NCOA1: variants seen among roughly 807,000 people sequenced by gnomAD.
NCOA1 encodes Hin-2 protein.
Under a neutral mutation model 150.9 loss-of-function variants are expected in NCOA1, and 35 were observed. The ratio of observed to expected loss-of-function variants is 0.23; its 90% CI spans 0.18 to 0.31. NCOA1 has a LOEUF of 0.31. Among genes scored for constraint, NCOA1 ranks in the 10% least tolerant of loss-of-function variants. The pLI, the probability that NCOA1 is intolerant of heterozygous loss-of-function variation, is 1.00. For missense variants in NCOA1, 1,491 were observed against 1,749.3 expected (o/e 0.85, Z 2.63); for synonymous variants, 590 against 630.0 (o/e 0.94, Z 0.95).
intron 3 of NCOA1, among the ~76,000 whole-genome samples, chr2:24,638,332 A>G (rs557249922): frequency 6.6e-6 from 1 of 152,050 alleles, no homozygotes; most frequent in Admixed American, 6.6e-5. Context: ...TTATGGCTGA[A>G]TAGTACTCTG....
At chr2:24,753,008 G>A (rs1664325708) in intron 20 of NCOA1, among the ~76,000 whole-genome samples, 1 of 152,068 alleles carries the variant, frequency 6.6e-6, no homozygotes, top group African/African-American at 2.4e-5. Context: ...AACATAATAA[G>A]TAAGGCAGTT....
At chr2:24,554,231 T>A (rs1342247222) in intron 1 of NCOA1, among the ~76,000 whole-genome samples, 2 of 152,222 alleles carry the variant, frequency 1.3e-5, no homozygotes, top group African/African-American at 4.8e-5. Flanking sequence ...CTCCTTTTTC[T>A]ACCTCCTTAA....
intron 6 of NCOA1, among the ~76,000 whole-genome samples, chr2:24,672,406 T>G: frequency 6.6e-6 from 1 of 152,230 alleles, no homozygotes; most frequent in East Asian, 1.9e-4. Flanking sequence ...TCCTTCTTCT[T>G]GTTTTTGAGA....
intron 5 of NCOA1, among the ~76,000 whole-genome samples, chr2:24,661,474 T>A (rs570399435): frequency 1.2e-3 from 183 of 152,322 alleles, no homozygotes; most frequent in African/African-American, 4.0e-3. Flanking sequence ...ACATTATTTA[T>A]GATGTCTCTT....
chr2:24,515,190 C>A (rs1664113675), intron 1 of NCOA1, among the ~76,000 whole-genome samples: 1 of 152,008 alleles, frequency 6.6e-6, no homozygotes, highest in Non-Finnish European at 1.5e-5. Flanking sequence ...TTAGGAACAA[C>A]TTATTTTGGG....
At chr2:24,647,321 C>T (rs1478027227) in intron 4 of NCOA1, among the ~76,000 whole-genome samples, 7 of 152,128 alleles carry the variant, frequency 4.6e-5, no homozygotes, top group Admixed American at 2.0e-4. Flanking sequence ...TACCTAAGAC[C>T]GATTTCTTCC....
intron 20 of NCOA1, among the ~76,000 whole-genome samples, chr2:24,754,410 G>A (rs1181909149): frequency 6.6e-6 from 1 of 152,040 alleles, no homozygotes; most frequent in African/African-American, 2.4e-5. Flanking sequence ...TGCCACAATG[G>A]CTTCCTTTTA....
intron 2 of NCOA1, among the ~76,000 whole-genome samples, chr2:24,571,059 C>CAAAG (rs1024728644): frequency 4.6e-5 from 7 of 152,246 alleles, no homozygotes; most frequent in African/African-American, 1.7e-4. Flanking sequence ...AAAGCCCTTA[C>CAAAG]CTTTTAGCGA....
chr2:24,535,463 T>C (rs1326005554), intron 1 of NCOA1, among the ~76,000 whole-genome samples: 1 of 152,206 alleles, frequency 6.6e-6, no homozygotes, highest in African/African-American at 2.4e-5. Flanking sequence ...AAGGTTAATA[T>C]TATTATGTGT....
At chr2:24,750,954 T>G (rs1664196225) in intron 19 of NCOA1, among the ~76,000 whole-genome samples, 1 of 151,764 alleles carries the variant, frequency 6.6e-6, no homozygotes, top group Non-Finnish European at 1.5e-5. Flanking sequence ...TAACAAAACT[T>G]TCTCATTATT....
At position 24,764,381 on chromosome 2, in the gene NCOA1, A is replaced by G. The variant is rs55653178; in HGVS notation, c.4155+1605A>G. On this transcript the variant is annotated intron_variant, in intron 22 of 22. Transcript: ENST00000348332. ...TATTAAATTTATGTTACAATTAATG[A>G]ACCATAAGCATTCAAAGAAAGGAGA... Among the ~76,000 whole-genome samples, 458 of 152,382 alleles carry G rather than the reference A, an allele frequency of 3.0e-3. 2 individuals are homozygous for G. Among genetic ancestry groups the G allele is most frequent in the African/African-American group, 0.01 (425 of 41,592 alleles).
chr2:24,751,863 C>A, intron 19 of NCOA1, 119 bp from the exon 20 acceptor site: 1 of 990,968 alleles, frequency 1.0e-6, no homozygotes, highest in Non-Finnish European at 1.4e-6. Context: ...TGACACAAGA[C>A]AAGGCAAATA....
At chr2:24,606,382 G>A (rs951233840) in intron 3 of NCOA1, among the ~76,000 whole-genome samples, 7 of 151,988 alleles carry the variant, frequency 4.6e-5, no homozygotes, top group African/African-American at 1.2e-4. Flanking sequence ...GATTACAGGC[G>A]CCTGCCACCA....
chr2:24,708,250 C>T (rs1282684278), intron 13 of NCOA1, among the ~76,000 whole-genome samples: 1 of 152,148 alleles, frequency 6.6e-6, no homozygotes, highest in East Asian at 1.9e-4. Flanking sequence ...AGTCTGGGAA[C>T]CCCTGATGTA....
intron 1 of NCOA1, among the ~76,000 whole-genome samples, chr2:24,528,107 A>G (rs1181039030): frequency 6.6e-6 from 1 of 152,128 alleles, no homozygotes; most frequent in African/African-American, 2.4e-5. Flanking sequence ...ATTTCTTCCC[A>G]ATCCATAAGT....
At chr2:24,664,296 G>A (rs1190799644) in intron 5 of NCOA1, among the ~76,000 whole-genome samples, 1 of 152,074 alleles carries the variant, frequency 6.6e-6, no homozygotes, top group African/African-American at 2.4e-5. Flanking sequence ...TTAAAATTTG[G>A]TTTTGTTTTG....
At chr2:24,629,757 TAATC>T (rs1393597832) in intron 3 of NCOA1, among the ~76,000 whole-genome samples, 1 of 146,080 alleles carries the variant, frequency 6.8e-6, no homozygotes, top group Non-Finnish European at 1.5e-5. Context: ...GTCTGGTTAT[TAATC>T]AAACACTTTC....
intron 13 of NCOA1, among the ~76,000 whole-genome samples, chr2:24,710,134 C>T (rs1419563811): frequency 2.0e-5 from 3 of 151,982 alleles, no homozygotes; most frequent in Non-Finnish European, 2.9e-5. Context: ...CGCTCTGTAG[C>T]CCAGGCTGGA....
chr2:24,747,127 C>T (rs909420737), intron 19 of NCOA1, among the ~76,000 whole-genome samples: 8 of 151,948 alleles, frequency 5.3e-5, no homozygotes, highest in African/African-American at 1.9e-4. Context: ...AAACAAACCA[C>T]AAAAAAGTCA....
Sources: allele counts gnomAD v4.1 joint callset (sites outside exome capture counted in the v4.1 genomes callset), GRCh38; gene constraint gnomAD v4.1.1; transcripts MANE v1.5; gene names NCBI Gene and HGNC (gene_info 2026-07-23, HGNC 2026-07-21).